LDLRAD4: variants seen among roughly 807,000 people sequenced by gnomAD.
LDLRAD4 encodes low-density lipoprotein receptor class A domain-containing protein 4.
LDLRAD4 carries 5 observed loss-of-function variants against 17.0 expected under a neutral mutation model. The observed-to-expected ratio is 0.29, with a 90% CI of 0.15 to 0.62. The LOEUF is 0.62. Ranked by LOEUF, LDLRAD4 falls within the 20% of genes least tolerant of loss-of-function variation. LDLRAD4 has a pLI of 0.84. For synonymous variants in LDLRAD4, 168 were observed against 171.8 expected (o/e 0.98, Z 0.17); for missense variants, 340 against 424.7 (o/e 0.80, Z 1.75).
At chr18:13,238,037 A>G (rs2042421582) in intron 1 of LDLRAD4, among the ~76,000 whole-genome samples, 1 of 152,148 alleles carries the variant, frequency 6.6e-6, no homozygotes, top group East Asian at 1.9e-4. Flanking sequence ...GGAAATGGAC[A>G]GTGGAGTGAG....
chr18:13,624,026 T>TGGAC (rs527473993), intron 4 of LDLRAD4, among the ~76,000 whole-genome samples: 1 of 152,202 alleles, frequency 6.6e-6, no homozygotes, highest in South Asian at 2.1e-4. Flanking sequence ...TCCTACAATG[T>TGGAC]GTCCTACAGT....
chr18:13,407,008 C>T (rs1218392110), intron 2 of LDLRAD4, among the ~76,000 whole-genome samples: 1 of 152,194 alleles, frequency 6.6e-6, no homozygotes, highest in Admixed American at 6.5e-5. Context: ...TCTGCCCTTT[C>T]ATATGTGCGA....
chr18:13,490,486 G>A (rs2093336016), intron 3 of LDLRAD4: 1 of 151,996 alleles, frequency 6.6e-6, no homozygotes, highest in Non-Finnish European at 1.5e-5. Context: ...ATTATGAAGT[G>A]GTAGCAAGAA....
At chr18:13,362,541 G>A (rs1356710569) in intron 1 of LDLRAD4, 2 of 152,238 alleles carry the variant, frequency 1.3e-5, no homozygotes, top group East Asian at 3.8e-4. Context: ...TCAGATTGCA[G>A]TCTCCATGCT....
intron 3 of LDLRAD4, among the ~76,000 whole-genome samples, chr18:13,571,551 G>T (rs1486195523): frequency 6.6e-6 from 1 of 152,212 alleles, no homozygotes; most frequent in Non-Finnish European, 1.5e-5. Flanking sequence ...GCATGATGGC[G>T]TTGGGTAGTT....
At chr18:13,249,383 C>T (rs1377747074) in intron 1 of LDLRAD4, among the ~76,000 whole-genome samples, 1 of 152,150 alleles carries the variant, frequency 6.6e-6, no homozygotes, top group Non-Finnish European at 1.5e-5. Flanking sequence ...TAACAGTTCC[C>T]TTTCTCTGCA....
chr18:13,275,501 C>T (rs1445525002), upstream of LDLRAD4, among the ~76,000 whole-genome samples: 2 of 152,130 alleles, frequency 1.3e-5, no homozygotes, highest in Non-Finnish European at 2.9e-5. Flanking sequence ...CTTTTTGTGA[C>T]TAGACATTGG....
chr18:13,245,732 G>A (rs1295677934), intron 1 of LDLRAD4, among the ~76,000 whole-genome samples: 6 of 152,260 alleles, frequency 3.9e-5, no homozygotes, highest in African/African-American at 1.4e-4. Flanking sequence ...ACATCACCCA[G>A]CTCAGAATGG....
intron 3 of LDLRAD4, among the ~76,000 whole-genome samples, chr18:13,519,022 C>T (rs2093913506): frequency 6.6e-6 from 1 of 152,168 alleles, no homozygotes; most frequent in South Asian, 2.1e-4. Flanking sequence ...TGGAAATGCC[C>T]TAGGCTTTGT....
intron 1 of LDLRAD4, among the ~76,000 whole-genome samples, chr18:13,304,506 G>A (rs9944634): frequency 0.47 from 71,677 of 151,916 alleles, 17,836 homozygotes; most frequent in African/African-American, 0.64. Flanking sequence ...CCAGCATGCT[G>A]TCGCAGCACA....
intron 4 of LDLRAD4, among the ~76,000 whole-genome samples, chr18:13,639,675 C>A (rs1483837466): frequency 6.6e-6 from 1 of 152,202 alleles, no homozygotes; most frequent in Admixed American, 6.5e-5. Context: ...TGGCCTCAAG[C>A]TCTTCCACCA....
At chr18:13,548,244 C>A (rs551609358) in intron 3 of LDLRAD4, among the ~76,000 whole-genome samples, 1 of 151,988 alleles carries the variant, frequency 6.6e-6, no homozygotes, top group African/African-American at 2.4e-5. Flanking sequence ...CATTGGCAGG[C>A]CTGGAAAAAG....
At chr18:13,274,664 A>G (rs1599048621), upstream of LDLRAD4, among the ~76,000 whole-genome samples, 1 of 151,958 alleles carries the variant, frequency 6.6e-6, no homozygotes, top group East Asian at 1.9e-4. Flanking sequence ...GGTTTCTGTA[A>G]TGAATAAAGT....
chr18:13,463,439 G>C (rs1027652645), intron 3 of LDLRAD4, among the ~76,000 whole-genome samples: 1 of 152,150 alleles, frequency 6.6e-6, no homozygotes, highest in Non-Finnish European at 1.5e-5. Flanking sequence ...CATTCCCTTC[G>C]TTGCCCTAAG....
At chr18:13,302,285 A>G (rs1006998695) in intron 1 of LDLRAD4, among the ~76,000 whole-genome samples, 6 of 152,210 alleles carry the variant, frequency 3.9e-5, no homozygotes, top group African/African-American at 1.2e-4. Flanking sequence ...CTAAAATGCC[A>G]TCACAAGATT....
rs1286773433 is a variant in LDLRAD4 at position 13,226,210 on chromosome 18, C to T, written c.-467+7222C>T. Among the ~76,000 whole-genome samples, 9 of 9,972 alleles carry T rather than the reference C, an allele frequency of 9.0e-4. No homozygotes were observed. In the East Asian group the frequency reaches 0.014, roughly 15 times the overall value. The allele number at this position is 9,972 out of a possible 152,430, so 6.5% of individuals were successfully genotyped here. A position where few individuals can be genotyped will look rare whatever the true frequency, so the allele number is the denominator to read the frequency against. ...TTTTTTTTTTTTTTTTTGTAGAGAC[C>T]GGGTTTCGCCATGTTGCCCAGGCTG... On this transcript the variant is annotated intron_variant, in intron 1 of 5. Transcript: ENST00000399848.
At chr18:13,350,537 A>C (rs1228812105) in intron 1 of LDLRAD4, among the ~76,000 whole-genome samples, 1 of 152,118 alleles carries the variant, frequency 6.6e-6, no homozygotes, top group African/African-American at 2.4e-5. Flanking sequence ...GATTCTGGAT[A>C]TTAGATGGGT....
chr18:13,409,584 C>T (rs754074125), intron 2 of LDLRAD4, among the ~76,000 whole-genome samples: 3 of 152,214 alleles, frequency 2.0e-5, no homozygotes, highest in Non-Finnish European at 2.9e-5. Flanking sequence ...GTTTCTAGAA[C>T]ATATGCCAAT....
intron 1 of LDLRAD4, among the ~76,000 whole-genome samples, chr18:13,373,588 T>C (rs2084681019): frequency 6.6e-6 from 1 of 152,256 alleles, no homozygotes; most frequent in Non-Finnish European, 1.5e-5. Flanking sequence ...TTGCTCATAT[T>C]TTCATTTTCA....
Sources: gnomAD v4.1 joint callset for allele counts (sites outside exome capture counted in the v4.1 genomes callset) on GRCh38, gnomAD v4.1.1 for gene constraint, MANE v1.5 for transcripts, NCBI Gene and HGNC (gene_info 2026-07-23, HGNC 2026-07-21) for gene names.